MAP3K21: variants seen among roughly 807,000 people sequenced by gnomAD.
The protein encoded by MAP3K21 is mitogen-activated protein kinase kinase kinase 21.
A neutral mutation model predicts 86.1 loss-of-function variants in MAP3K21; 63 were observed. The observed-to-expected ratio is 0.73, with a 90% CI of 0.60 to 0.90. MAP3K21 has a LOEUF of 0.90. MAP3K21 is among the 40% of genes least tolerant of loss of function. The pLI is 0.00. For synonymous variants in MAP3K21, 558 were observed against 564.8 expected, an observed-to-expected ratio of 0.99 and a Z score of 0.17; for missense variants, 1,220 against 1,367.7, an observed-to-expected ratio of 0.89 and a Z score of 1.70.
rs144949793 is a variant in MAP3K21, at chr1:233,349,735, G to A, written c.986+3113G>A. On this transcript the variant is annotated intron_variant, in intron 2 of 9. Transcript: ENST00000366624. ...GGGCAGATCACAAGGTCGAGAGATC[G>A]AGACCATCCTGGTCAACATGGTGAA... 9.7e-3 allele frequency among the ~76,000 whole-genome samples: 1,477 copies of A among 152,140 alleles called. 17 individuals carry two copies. Among genetic ancestry groups the A allele is most frequent in the South Asian group, 0.025 (120 of 4,826 alleles).
chr1:233,333,622 A>C (rs1226416306), intron 1 of MAP3K21, among the ~76,000 whole-genome samples: 1 of 151,662 alleles, frequency 6.6e-6, no homozygotes, highest in Non-Finnish European at 1.5e-5. Flanking sequence ...GCAATGTCTT[A>C]TTTTTTTGTA....
intron 1 of MAP3K21, among the ~76,000 whole-genome samples, chr1:233,339,867 A>G (rs1663005517): frequency 6.6e-6 from 1 of 152,156 alleles, no homozygotes; most frequent in South Asian, 2.1e-4. Context: ...TTAGCAGCTG[A>G]CTTAACATGA....
intron 1 of MAP3K21, among the ~76,000 whole-genome samples, chr1:233,333,238 T>C (rs1662845441): frequency 6.6e-6 from 1 of 152,230 alleles, no homozygotes; most frequent in Admixed American, 6.5e-5. Flanking sequence ...GTTCCTTCTC[T>C]CTTCTGTTCT....
intron 1 of MAP3K21, among the ~76,000 whole-genome samples, chr1:233,332,641 G>A (rs1340223097): frequency 6.6e-6 from 1 of 152,182 alleles, no homozygotes; most frequent in Admixed American, 6.5e-5. Context: ...AGCAATGGAA[G>A]TATTTTGCAG....
intron 4 of MAP3K21, among the ~76,000 whole-genome samples, chr1:233,360,837 G>C (rs531048545): frequency 3.9e-4 from 60 of 152,196 alleles, no homozygotes; most frequent in African/African-American, 1.4e-3. Flanking sequence ...CGTTGAGGTG[G>C]GCCTATTTAA....
intron 5 of MAP3K21, among the ~76,000 whole-genome samples, chr1:233,363,702 C>A (rs1423627584): frequency 5.3e-4 from 48 of 90,524 alleles, no homozygotes; most frequent in East Asian, 1.6e-3. Flanking sequence ...AACTCTGTCT[C>A]AAAAAAAAAA....
intron 2 of MAP3K21, among the ~76,000 whole-genome samples, chr1:233,349,667 G>A (rs1663211952): frequency 6.6e-6 from 1 of 152,186 alleles, no homozygotes; most frequent in Admixed American, 6.5e-5. Context: ...AGCCGGGCAT[G>A]GTGGCTCATG....
Position 233,354,722 on chromosome 1 carries a change from C to T in MAP3K21, c.1136-114C>T, listed in dbSNP as rs906838497. 1.8e-5 allele frequency: 15 copies of T among 845,558 alleles called. No homozygotes were observed. The African/African-American group carries it at 1.9e-4, about 11-fold the overall frequency. The allele number at this position is 845,558 out of a possible 1,614,324, so 52.4% of individuals were successfully genotyped here. On this transcript the variant is annotated intron_variant, in intron 3 of 9. Coordinates refer to ENST00000366624, the MANE Select transcript of MAP3K21 (RefSeq NM_032435.3). Reference sequence around the variant, plus strand: ...CAGGAGCAGATACTATAAATGGAAGCTTCCAGTTTGGAATGACAAATGTTA... The same window carrying T: ...CAGGAGCAGATACTATAAATGGAAGTTTCCAGTTTGGAATGACAAATGTTA...
intron 5 of MAP3K21, among the ~76,000 whole-genome samples, chr1:233,362,830 G>A (rs1368490234): frequency 6.6e-6 from 1 of 151,902 alleles, no homozygotes; most frequent in African/African-American, 2.4e-5. Flanking sequence ...TAAATCTAGG[G>A]AAGCTTTTTT....
At chr1:233,369,484 G>C (rs1244453705) in intron 5 of MAP3K21, among the ~76,000 whole-genome samples, 1 of 152,174 alleles carries the variant, frequency 6.6e-6, no homozygotes, top group Admixed American at 6.5e-5. Context: ...CACATGTGGA[G>C]GAAACTTGGT....
intron 4 of MAP3K21, among the ~76,000 whole-genome samples, chr1:233,357,800 T>A (rs1471947543): frequency 6.6e-6 from 1 of 152,206 alleles, no homozygotes; most frequent in Non-Finnish European, 1.5e-5. Context: ...TTGCTTGTTA[T>A]TCCAGAGTTA....
At chr1:233,380,012 C>T (rs73097106) in intron 9 of MAP3K21, among the ~76,000 whole-genome samples, 1,865 of 152,316 alleles carry the variant, frequency 0.012, 29 homozygotes, top group African/African-American at 0.041. Context: ...CCAGCTGCCC[C>T]AGTTAGAACC....
intron 1 of MAP3K21, among the ~76,000 whole-genome samples, chr1:233,342,880 A>G (rs1186284838): frequency 6.6e-6 from 1 of 152,144 alleles, no homozygotes; most frequent in Non-Finnish European, 1.5e-5. Flanking sequence ...CTGTTTAGCC[A>G]CTGTGTAACC....
At chr1:233,340,866 G>A (rs764536534) in intron 1 of MAP3K21, among the ~76,000 whole-genome samples, 11 of 151,870 alleles carry the variant, frequency 7.2e-5, no homozygotes, top group African/African-American at 1.5e-4. Context: ...AAGATTAATC[G>A]AAACTCATTT....
Position 233,328,395 on chromosome 1 carries a change from C to T in MAP3K21, c.367C>T (p.Arg123Trp). 6.7e-7 allele frequency: 1 copy of T among 1,487,590 alleles called. No homozygotes were observed. 92.1% of individuals were successfully genotyped at this position (1,487,590 alleles called of 1,614,324 possible). A position where few individuals can be genotyped will look rare whatever the true frequency, so the allele number is the denominator to read the frequency against. The stretch of plus-strand genomic sequence containing the variant: ...CTCCCCGGTACACGTCGCCTTCGAG[C>T]GGCTGGAGCTGAAGGAGCTCATCGG... ...PSSPVHVAFE[R>W]LELKELIGAG... The change falls in exon 1 of 10, where the codon CGG becomes TGG. Residue 123 changes from arginine to tryptophan, a missense_variant. Coordinates refer to ENST00000366624, the MANE Select transcript of MAP3K21 (RefSeq NM_032435.3). The surrounding 1 kb of genome is among the most constrained non-coding windows in gnomAD (Gnocchi z 8.7).
At chr1:233,339,663 T>C (rs113768018) in intron 1 of MAP3K21, among the ~76,000 whole-genome samples, 37 of 151,810 alleles carry the variant, frequency 2.4e-4, no homozygotes, top group African/African-American at 8.2e-4. Flanking sequence ...TTAAGTTCTT[T>C]TGTAGGGGTT....
intron 4 of MAP3K21, among the ~76,000 whole-genome samples, chr1:233,358,552 A>G (rs932335717): frequency 3.3e-5 from 5 of 151,760 alleles, no homozygotes; most frequent in African/African-American, 1.2e-4. Context: ...AATGAAAAAG[A>G]TTTTGAAGAG....
At chr1:233,378,245 A>G (rs965029031) in intron 8 of MAP3K21, among the ~76,000 whole-genome samples, 1 of 152,240 alleles carries the variant, frequency 6.6e-6, no homozygotes, top group Non-Finnish European at 1.5e-5. Flanking sequence ...TGTGATAAGA[A>G]TGTTAGCTTC....
rs142222347 is a variant in MAP3K21 at position 233,353,860 on chromosome 1, T to C, written c.1040T>C (p.Ile347Thr). The C allele has an allele frequency of 3.3e-5, 54 of 1,613,276 alleles. No individual in the cohort carries two copies. The highest frequency in any genetic ancestry group is 1.5e-4 in the African/African-American group (11 of 75,022). Residue 347 changes from isoleucine to threonine, a missense_variant, in exon 3 of 10, where the codon ATT (isoleucine) becomes ACT (threonine). Physicochemically the swap from Ile to Thr is moderately conservative, Grantham distance 89 (BLOSUM62 -1). Around this residue, in one of 5 missense-constraint regions of MAP3K21, gnomAD observed 89 missense variants for 144.8 expected, o/e 0.61. Coordinates refer to ENST00000366624, the MANE Select transcript of MAP3K21 (RefSeq NM_032435.3). Reference sequence around the variant, plus strand: ...ACCGGAGAAGTCCCCTATCGGGGCATTGATGGCCTCGCCGTGGCTTATGGG... The same window carrying C: ...ACCGGAGAAGTCCCCTATCGGGGCACTGATGGCCTCGCCGTGGCTTATGGG... ...LLTGEVPYRGIDGLAVAYGVA... is the reference protein window; with the variant it reads ...LLTGEVPYRGTDGLAVAYGVA...
Sources: gnomAD v4.1 joint callset for allele counts (sites outside exome capture counted in the v4.1 genomes callset) on GRCh38, gnomAD v4.1.1 for gene constraint, gnomAD v4.1.1 regional missense constraint, Gnocchi (gnomAD v3.1) non-coding constraint, MANE v1.5 for transcripts, NCBI Gene and HGNC (gene_info 2026-07-23, HGNC 2026-07-21) for gene names.